Variants in TRAPPC12 observed in about 807,000 individuals in gnomAD.
TRAPPC12 encodes the protein trafficking protein particle complex subunit 12.
In TRAPPC12, 61 loss-of-function variants were observed where a neutral mutation model predicts 69.2. The ratio of observed to expected loss-of-function variants is 0.88; its 90% CI spans 0.72 to 1.09. TRAPPC12 has a LOEUF of 1.09. Ranked by LOEUF, TRAPPC12 falls within the 50% of genes least tolerant of loss-of-function variation. TRAPPC12 has a pLI of 0.00. For missense variants in TRAPPC12, 1,101 were observed against 1,016.4 expected (o/e 1.08, Z -1.13); for synonymous variants, 469 against 438.9 (o/e 1.07, Z -0.86).
At chr2:3,469,914 T>C (rs1355146951) in intron 9 of TRAPPC12, among the ~76,000 whole-genome samples, 2 of 152,198 alleles carry the variant, frequency 1.3e-5, no homozygotes, top group Non-Finnish European at 1.5e-5. Flanking sequence ...TGGAATAAGA[T>C]TGATTTCGTT....
chr2:3,423,719 C>G (rs1662948840), intron 4 of TRAPPC12, among the ~76,000 whole-genome samples: 1 of 152,200 alleles, frequency 6.6e-6, no homozygotes, highest in Non-Finnish European at 1.5e-5. Flanking sequence ...ATGCCACGTT[C>G]CTTTATCCGT....
At position 3,421,925 on chromosome 2, in the gene TRAPPC12, C is replaced by T. The variant is rs1312957229; in HGVS notation, c.1209C>T (p.Leu403=). The T allele has an allele frequency of 1.9e-6, 3 of 1,613,774 alleles. No individual in the cohort carries two copies. The highest frequency in any genetic ancestry group is 1.3e-5 in the African/African-American group (1 of 74,936). Residue 403 remains leucine, a synonymous_variant, in exon 4 of 12, where the codon CTC becomes CTT. Coordinates refer to ENST00000324266, the MANE Select transcript of TRAPPC12 (RefSeq NM_016030.6). ...WRAAVDLCGR[L]LTAHGQGYGK... ...CAGCAGTGGACCTGTGCGGACGTCT[C>T]CTCACAGCCCACGGCCAGGGCTACG...
At chr2:3,396,333 C>G (rs1406797570) in intron 2 of TRAPPC12, among the ~76,000 whole-genome samples, 3 of 151,506 alleles carry the variant, frequency 2.0e-5, no homozygotes, top group African/African-American at 7.3e-5. Context: ...TAATTCTTAT[C>G]CTCGCTCCTC....
At position 3,473,845 on chromosome 2, in the gene TRAPPC12, A is replaced by C. The variant is rs142434181; in HGVS notation, c.1777-3850A>C. On this transcript the variant is annotated intron_variant, in intron 9 of 11. Transcript: ENST00000324266. ...TTGATCAGTGGTAAATATGAAAAGAACTGGGTTTTCTAGCTGACTACAGAT... is the reference window on the plus strand; with the variant it reads ...TTGATCAGTGGTAAATATGAAAAGACCTGGGTTTTCTAGCTGACTACAGAT... 2.6e-4 allele frequency among the ~76,000 whole-genome samples: 40 copies of C among 152,338 alleles called. No homozygotes were observed. The East Asian group carries it at 7.7e-3, about 29-fold the overall frequency.
At chr2:3,422,044 G>A (rs1162540691) in intron 4 of TRAPPC12, 50 bp downstream of exon 4, 4 of 1,441,740 alleles carry the variant, frequency 2.8e-6, no homozygotes, top group East Asian at 4.9e-5. Context: ...ATCACAGTCT[G>A]GGGACATGGA....
intron 8 of TRAPPC12, among the ~76,000 whole-genome samples, chr2:3,464,911 G>A: frequency 6.6e-6 from 1 of 152,242 alleles, no homozygotes; most frequent in East Asian, 1.9e-4. Context: ...CACAGGCAGG[G>A]CAGAGCGATG....
intron 7 of TRAPPC12, 94 bp downstream of exon 7, chr2:3,457,787 T>G: frequency 6.5e-7 from 1 of 1,545,070 alleles, no homozygotes; most frequent in African/African-American, 1.4e-5. Context: ...CTCCTTTCCT[T>G]TCTGTAGTCA....
intron 2 of TRAPPC12, among the ~76,000 whole-genome samples, chr2:3,400,577 G>C (rs1031194527): frequency 1.2e-4 from 19 of 152,176 alleles, no homozygotes; most frequent in African/African-American, 4.6e-4. Flanking sequence ...CCAGGGCTGT[G>C]TCCTGGTCCC....
Position 3,383,395 on chromosome 2 carries a change from AT to A in TRAPPC12, c.-5+3520del, listed in dbSNP as rs1290094777. Among the ~76,000 whole-genome samples the A allele has an allele frequency of 3.3e-5, 5 of 150,190 alleles. No homozygotes were observed. In the East Asian group the frequency reaches 6.0e-4, roughly 18 times the overall value. On this transcript the variant is annotated intron_variant, in intron 1 of 11. Coordinates refer to ENST00000324266, the MANE Select transcript of TRAPPC12 (RefSeq NM_016030.6). ...TTTTGCCTTTCACAGTTAATTTTTG[AT>A]CCCCCACCCCCGCCCCGCCCGAGAC...
rs184607992 is a variant in TRAPPC12 at position 3,470,487 on chromosome 2, G to C, written c.1776+4792G>C. Among the ~76,000 whole-genome samples, 279 of 152,386 alleles carry C rather than the reference G, an allele frequency of 1.8e-3. 1 individual carries two copies. Among genetic ancestry groups the C allele is most frequent in the Non-Finnish European group, 2.7e-3 (185 of 68,038 alleles). ...ACCCTCTCAGCTGATAGTGGGCACT[G>C]CAGTGTGAATCTTCTCATGGACAAC... On this transcript the variant is annotated intron_variant, in intron 9 of 11. Coordinates refer to ENST00000324266, the MANE Select transcript of TRAPPC12 (RefSeq NM_016030.6).
At position 3,388,138 on chromosome 2, in the gene TRAPPC12, G is replaced by T; in HGVS notation, c.515G>T (p.Gly172Val). ...AGCCAGCGCGCGCCCCCAGCCTCCG[G>T]GGACGGCTTCGAGCCGCAGATGGTG... The part of the protein sequence containing the change: ...IFSQRAPPAS[G>V]DGFEPQMVKS... The change falls in exon 2 of 12, where the codon GGG becomes GTG. Residue 172 changes from glycine to valine, a missense_variant. Transcript: ENST00000324266. The T allele has an allele frequency of 6.3e-7, 1 of 1,598,062 alleles. No individual in the cohort carries two copies. Among genetic ancestry groups the T allele is most frequent in the East Asian group, 2.3e-5 (1 of 43,970 alleles).
chr2:3,386,571 A>G (rs1660504090), intron 1 of TRAPPC12, among the ~76,000 whole-genome samples: 1 of 152,228 alleles, frequency 6.6e-6, no homozygotes, highest in Non-Finnish European at 1.5e-5. Context: ...GTGCGGATAA[A>G]TGTTAGCTAG....
intron 3 of TRAPPC12, among the ~76,000 whole-genome samples, chr2:3,410,789 T>C (rs992969705): frequency 6.6e-6 from 1 of 152,296 alleles, no homozygotes; most frequent in Admixed American, 6.5e-5. Context: ...CCCAGCACTT[T>C]GGGAGGACGA....
At chr2:3,467,929 C>G (rs1665892660) in intron 9 of TRAPPC12, 1 of 152,346 alleles carries the variant, frequency 6.6e-6, no homozygotes, top group African/African-American at 2.4e-5. Flanking sequence ...CGTCCCCCGT[C>G]CTGCGCGTAG....
chr2:3,473,602 C>G (rs1402198416), intron 9 of TRAPPC12, among the ~76,000 whole-genome samples: 1 of 152,152 alleles, frequency 6.6e-6, no homozygotes, highest in Non-Finnish European at 1.5e-5. Context: ...GCCTCAGCCT[C>G]CCGAGTAGCT....
rs1386803221 is a variant in TRAPPC12, at chr2:3,479,408, G to A, written c.2155G>A (p.Val719Ile). ...GAAGAAACAGGCCCTGCTGGAGGCT[G>A]TCGCCGGCAAGGAGGGGGACAGCTT... ...MQKKQALLEA[V>I]AGKEGDSFNT... The change falls in exon 12 of 12, where the codon GTC becomes ATC. Residue 719 changes from valine to isoleucine, a missense_variant. Physicochemically the swap from Val to Ile is conservative, Grantham distance 29. Coordinates refer to ENST00000324266, the MANE Select transcript of TRAPPC12 (RefSeq NM_016030.6). 1 of 1,614,028 alleles carries A rather than the reference G, an allele frequency of 6.2e-7. No homozygotes were observed. Among genetic ancestry groups the A allele is most frequent in the African/African-American group, 1.3e-5 (1 of 74,946 alleles).
intron 3 of TRAPPC12, among the ~76,000 whole-genome samples, chr2:3,419,346 C>A (rs1446042024): frequency 1.3e-5 from 2 of 152,208 alleles, no homozygotes; most frequent in African/African-American, 4.8e-5. Flanking sequence ...AGAGAATATA[C>A]AGAGCCATTT....
At chr2:3,450,142 G>A (rs115964422) in intron 6 of TRAPPC12, among the ~76,000 whole-genome samples, 7 of 152,176 alleles carry the variant, frequency 4.6e-5, no homozygotes, top group South Asian at 2.1e-4. Flanking sequence ...GCCCAACCCC[G>A]CCACCCAGCC....
intron 3 of TRAPPC12, among the ~76,000 whole-genome samples, chr2:3,413,315 A>G (rs1334932058): frequency 2.6e-5 from 4 of 152,196 alleles, no homozygotes; most frequent in African/African-American, 7.2e-5. Context: ...ACAGCTAGTC[A>G]TAGTAGTGGC....
Sources: allele counts gnomAD v4.1 joint callset (sites outside exome capture counted in the v4.1 genomes callset), GRCh38; gene constraint gnomAD v4.1.1; transcripts MANE v1.5; gene names NCBI Gene and HGNC (gene_info 2026-07-23, HGNC 2026-07-21).